Variants in PIP4K2A observed in about 807,000 individuals in gnomAD.
PIP4K2A encodes phosphatidylinositol 5-phosphate 4-kinase type-2 alpha.
In PIP4K2A, 14 loss-of-function variants were observed where a neutral mutation model predicts 42.9. That is an observed-to-expected ratio of 0.33 (90% CI 0.22 to 0.51). The LOEUF (loss-of-function observed/expected upper bound fraction) is 0.51, where lower values mean the gene tolerates loss of function less well. Ranked by LOEUF, PIP4K2A falls within the 20% of genes least tolerant of loss-of-function variation. The probability of loss-of-function intolerance (pLI) is 0.97; values close to 1 mark genes in which losing one functional copy is unlikely to be tolerated. For missense variants in PIP4K2A, 434 were observed against 519.8 expected, an observed-to-expected ratio of 0.83 and a Z score of 1.61; for synonymous variants, 192 against 192.2, an observed-to-expected ratio of 1.00 and a Z score of 0.01.
intron 1 of PIP4K2A, among the ~76,000 whole-genome samples, chr10:22,683,606 C>T (rs1839704742): frequency 6.6e-6 from 1 of 152,132 alleles, no homozygotes; most frequent in Non-Finnish European, 1.5e-5. Flanking sequence ...TTTTCTTCTT[C>T]CATTAACTTT....
chr10:22,705,849 G>A (rs1342082540), intron 1 of PIP4K2A, among the ~76,000 whole-genome samples: 1 of 151,754 alleles, frequency 6.6e-6, no homozygotes. Context: ...TTCTCACGCT[G>A]CTGTGAAGAA....
intron 4 of PIP4K2A, among the ~76,000 whole-genome samples, chr10:22,579,307 G>A (rs72816817): frequency 0.013 from 1,917 of 152,294 alleles, 25 homozygotes; most frequent in Middle Eastern, 0.065. Context: ...GAGGAAAGGG[G>A]TGGAGCAGAA....
intron 4 of PIP4K2A, among the ~76,000 whole-genome samples, chr10:22,580,478 C>T (rs1411628492): frequency 6.6e-6 from 1 of 151,866 alleles, no homozygotes; most frequent in African/African-American, 2.4e-5. Context: ...GGCGAAACTC[C>T]ATCTCAACAA....
At chr10:22,683,159 AC>A (rs141406927) in intron 1 of PIP4K2A, among the ~76,000 whole-genome samples, 12,528 of 152,222 alleles carry the variant, frequency 0.082, 683 homozygotes, top group Middle Eastern at 0.2. Context: ...CTGATAAATT[AC>A]TGTTCAACCA....
At chr10:22,564,109 C>T (rs574966286) in intron 6 of PIP4K2A, among the ~76,000 whole-genome samples, 1 of 152,326 alleles carries the variant, frequency 6.6e-6, no homozygotes, top group African/African-American at 2.4e-5. Flanking sequence ...AACTGTGGTT[C>T]ATGCCCTGGG....
At chr10:22,700,061 G>T (rs1833686319) in intron 1 of PIP4K2A, among the ~76,000 whole-genome samples, 1 of 152,216 alleles carries the variant, frequency 6.6e-6, no homozygotes, top group South Asian at 2.1e-4. Context: ...ACCCTGAAAT[G>T]AGTACTTCTG....
At chr10:22,653,636 G>A (rs952106776) in intron 1 of PIP4K2A, among the ~76,000 whole-genome samples, 9 of 152,246 alleles carry the variant, frequency 5.9e-5, no homozygotes, top group Admixed American at 1.3e-4. Context: ...ATTTGGGATC[G>A]GGCATGGTGG....
intron 1 of PIP4K2A, among the ~76,000 whole-genome samples, chr10:22,682,741 A>C (rs1839687095): frequency 6.6e-6 from 1 of 152,208 alleles, no homozygotes; most frequent in African/African-American, 2.4e-5. Flanking sequence ...AGCCAGTCTG[A>C]ACTTGGCTCC....
chr10:22,670,713 C>A (rs961300375), intron 1 of PIP4K2A, among the ~76,000 whole-genome samples: 11 of 152,152 alleles, frequency 7.2e-5, no homozygotes, highest in African/African-American at 2.7e-4. Context: ...TCACCACACA[C>A]CCTAGAAATA....
intron 4 of PIP4K2A, among the ~76,000 whole-genome samples, chr10:22,582,058 C>T (rs1192012559): frequency 1.3e-5 from 2 of 151,748 alleles, no homozygotes; most frequent in African/African-American, 4.8e-5. Flanking sequence ...GCTGTGTTTG[C>T]GCCACTGTAC....
intron 1 of PIP4K2A, among the ~76,000 whole-genome samples, chr10:22,692,368 G>A (rs137915522): frequency 3.5e-4 from 53 of 152,156 alleles, no homozygotes; most frequent in Admixed American, 1.3e-3. Flanking sequence ...TCCTTTGCCC[G>A]CTGCTCACCT....
At chr10:22,601,495 C>G (rs999896413) in intron 3 of PIP4K2A, among the ~76,000 whole-genome samples, 1 of 152,192 alleles carries the variant, frequency 6.6e-6, no homozygotes. Flanking sequence ...GGGTCTCAGC[C>G]TCAGTGCGTC....
At chr10:22,542,580 A>G (rs536240657) in intron 7 of PIP4K2A, among the ~76,000 whole-genome samples, 1 of 152,190 alleles carries the variant, frequency 6.6e-6, no homozygotes, top group South Asian at 2.1e-4. Flanking sequence ...AGTCCTGTCC[A>G]GGTCAACAAG....
At chr10:22,710,070 A>C (rs1186267122) in intron 1 of PIP4K2A, among the ~76,000 whole-genome samples, 1 of 152,170 alleles carries the variant, frequency 6.6e-6, no homozygotes, top group Middle Eastern at 3.4e-3. Flanking sequence ...AACCAAAAAA[A>C]AAAAAAAAAA....
chr10:22,652,622 A>G (rs978606769), intron 1 of PIP4K2A, among the ~76,000 whole-genome samples: 1 of 152,234 alleles, frequency 6.6e-6, no homozygotes, highest in African/African-American at 2.4e-5. Flanking sequence ...TTGCTTTTAA[A>G]ATACGCAAAT....
At chr10:22,706,577 T>C (rs1276596773) in intron 1 of PIP4K2A, among the ~76,000 whole-genome samples, 2 of 152,346 alleles carry the variant, frequency 1.3e-5, no homozygotes, top group South Asian at 2.1e-4. Context: ...TTTACACATA[T>C]ATTTATTTTA....
Position 22,659,422 on chromosome 10 carries a change from G to A in PIP4K2A, c.145-49705C>T, listed in dbSNP as rs533004572. ...GGCCTAGCCAATATGGCAAAACCCC[G>A]TCTCTACTAAAAATACAAAAATTAG... is the stretch of plus-strand genomic sequence containing the variant. On this transcript the variant is annotated intron_variant, in intron 1 of 9. Transcript: ENST00000376573. Among the ~76,000 whole-genome samples the A allele has an allele frequency of 6.6e-5, 10 of 152,274 alleles. No individual in the cohort carries two copies. In the East Asian group the frequency reaches 7.7e-4, roughly 12 times the overall value.
At chr10:22,649,405 G>A (rs1838947069) in intron 1 of PIP4K2A, among the ~76,000 whole-genome samples, 1 of 152,194 alleles carries the variant, frequency 6.6e-6, no homozygotes, top group South Asian at 2.1e-4. Context: ...AGGGCTGAGT[G>A]AGTGGAGTTA....
At chr10:22,680,590 T>C (rs186356810) in intron 1 of PIP4K2A, among the ~76,000 whole-genome samples, 52 of 152,286 alleles carry the variant, frequency 3.4e-4, no homozygotes, top group African/African-American at 1.2e-3. Context: ...CCTAGTCCTT[T>C]TCAGTTAAGT....
Sources: allele counts gnomAD v4.1 joint callset (sites outside exome capture counted in the v4.1 genomes callset), GRCh38; gene constraint gnomAD v4.1.1; transcripts MANE v1.5; gene names NCBI Gene and HGNC (gene_info 2026-07-23, HGNC 2026-07-21).